Variants in CSMD1 observed in about 807,000 individuals in gnomAD.
CSMD1 encodes the protein CUB and sushi domain-containing protein 1.
CSMD1 carries 213 observed loss-of-function variants against 417.5 expected under a neutral mutation model. That is an observed-to-expected ratio of 0.51 (90% CI 0.46 to 0.57). The LOEUF is 0.57. CSMD1 is among the 20% of genes least tolerant of loss of function. The probability of loss-of-function intolerance (pLI) is 0.00; values close to 1 mark genes in which losing one functional copy is unlikely to be tolerated. For missense variants in CSMD1, 6,923 were observed against 4,529.7 expected, an observed-to-expected ratio of 1.53 and a Z score of -15.17; for synonymous variants, 2,862 against 1,736.8, an observed-to-expected ratio of 1.65 and a Z score of -16.11.
chr8:3,782,485 T>G (rs1639544266), intron 5 of CSMD1, among the ~76,000 whole-genome samples: 1 of 152,014 alleles, frequency 6.6e-6, no homozygotes, highest in Non-Finnish European at 1.5e-5. Flanking sequence ...TCTAATAAAA[T>G]CAAGTGCTTT....
chr8:3,800,334 G>A (rs1800387481), intron 5 of CSMD1, among the ~76,000 whole-genome samples: 2 of 152,094 alleles, frequency 1.3e-5, no homozygotes, highest in South Asian at 2.1e-4. Flanking sequence ...TTTATAATAT[G>A]TCAAAATATT....
chr8:4,488,214 C>G (rs58236856), intron 2 of CSMD1, among the ~76,000 whole-genome samples: 2,683 of 152,276 alleles, frequency 0.018, 72 homozygotes, highest in African/African-American at 0.061. Flanking sequence ...AATCCAACAA[C>G]TTAATGGTAT....
At chr8:3,965,031 C>A (rs1274038332) in intron 5 of CSMD1, among the ~76,000 whole-genome samples, 2 of 152,172 alleles carry the variant, frequency 1.3e-5, no homozygotes, top group African/African-American at 4.8e-5. Flanking sequence ...ATAGTTTCTA[C>A]ACAATGTGCT....
chr8:4,680,950 A>ATGTGTGTGTGTGTGTGTG (rs71209112), intron 1 of CSMD1, among the ~76,000 whole-genome samples: 51 of 144,478 alleles, frequency 3.5e-4, no homozygotes, highest in East Asian at 2.5e-3. Context: ...ATCTATATTG[A>ATGTGTGTGTGTGTGTGTG]TGTGTGTGTG....
At chr8:3,727,580 A>C (rs551379601) in intron 6 of CSMD1, among the ~76,000 whole-genome samples, 1 of 152,356 alleles carries the variant, frequency 6.6e-6, no homozygotes, top group East Asian at 1.9e-4. Flanking sequence ...AATACTAATA[A>C]AAATGAGCAT....
At chr8:4,555,293 G>A (rs186972845) in intron 2 of CSMD1, among the ~76,000 whole-genome samples, 2 of 152,238 alleles carry the variant, frequency 1.3e-5, no homozygotes, top group African/African-American at 4.8e-5. Flanking sequence ...AAAAAGACAG[G>A]TGCAGTGGCA....
chr8:3,644,255 G>A (rs1020427075), intron 7 of CSMD1, among the ~76,000 whole-genome samples: 6 of 152,174 alleles, frequency 3.9e-5, no homozygotes, highest in African/African-American at 1.2e-4. Flanking sequence ...ACTAACAGTT[G>A]AGAACCATTG....
chr8:4,285,078 G>C (rs560254042), intron 3 of CSMD1, among the ~76,000 whole-genome samples: 1 of 152,174 alleles, frequency 6.6e-6, no homozygotes, highest in Non-Finnish European at 1.5e-5. Flanking sequence ...GATGCCTAGT[G>C]TGTAGGAAAG....
At chr8:3,887,003 G>C (rs1806610401) in intron 5 of CSMD1, among the ~76,000 whole-genome samples, 1 of 152,098 alleles carries the variant, frequency 6.6e-6, no homozygotes. Context: ...TTGATCACCT[G>C]GTACCACATG....
At chr8:4,942,220 C>G (rs1470457163) in intron 1 of CSMD1, among the ~76,000 whole-genome samples, 1 of 152,120 alleles carries the variant, frequency 6.6e-6, no homozygotes, top group Non-Finnish European at 1.5e-5. Context: ...ACATATAAAC[C>G]AGGCTTCACT....
chr8:4,401,347 C>T (rs544951225), intron 3 of CSMD1, among the ~76,000 whole-genome samples: 3 of 152,258 alleles, frequency 2.0e-5, no homozygotes, highest in Admixed American at 6.5e-5. Context: ...CAAACCCACA[C>T]GTATTGTTAT....
rs373971284 is a variant in CSMD1, at chr8:4,356,765, C to G, written c.415+63188G>C. Among the ~76,000 whole-genome samples, 71 of 152,208 alleles carry G rather than the reference C, an allele frequency of 4.7e-4. 1 individual carries two copies. The highest frequency in any genetic ancestry group is 1.4e-3 in the African/African-American group (60 of 41,542). On this transcript the variant is annotated intron_variant, in intron 3 of 69. Coordinates refer to ENST00000635120, the MANE Select transcript of CSMD1 (RefSeq NM_033225.6). ...TTCTCCGGCCGTGAATGACTGGAAC[C>G]GAGTTCTTCTCTCAAAGCAGTCTTG...
intron 5 of CSMD1, among the ~76,000 whole-genome samples, chr8:3,989,854 T>C (rs1814611281): frequency 6.6e-6 from 1 of 151,856 alleles, no homozygotes; most frequent in Non-Finnish European, 1.5e-5. Flanking sequence ...TTTGGAGGAG[T>C]ATAGGATTGC....
chr8:4,631,576 C>G (rs1224327487), intron 2 of CSMD1, among the ~76,000 whole-genome samples: 2 of 151,966 alleles, frequency 1.3e-5, no homozygotes, highest in Non-Finnish European at 2.9e-5. Flanking sequence ...TAAATATCAC[C>G]AGATATATTT....
At chr8:4,121,896 T>C (rs1262772487) in intron 3 of CSMD1, among the ~76,000 whole-genome samples, 3 of 152,124 alleles carry the variant, frequency 2.0e-5, no homozygotes, top group Non-Finnish European at 4.4e-5. Flanking sequence ...GACTCTCAGA[T>C]ACCAACTCAT....
chr8:3,747,299 A>G (rs1411847996), intron 6 of CSMD1, among the ~76,000 whole-genome samples: 1 of 152,156 alleles, frequency 6.6e-6, no homozygotes, highest in Non-Finnish European at 1.5e-5. Context: ...TCTCTAGGTA[A>G]TTTTATGTGG....
chr8:4,661,573 T>A (rs891915245), intron 1 of CSMD1, among the ~76,000 whole-genome samples: 1 of 152,172 alleles, frequency 6.6e-6, no homozygotes, highest in African/African-American at 2.4e-5. Context: ...AATGTGTTCA[T>A]CTCAATACCT....
intron 3 of CSMD1, among the ~76,000 whole-genome samples, chr8:4,101,814 G>T (rs918346829): frequency 8.2e-6 from 1 of 122,478 alleles, no homozygotes; most frequent in South Asian, 3.2e-4. Context: ...AGTGAACGGA[G>T]AATTACTCAC....
rs141095565 is a variant in CSMD1 at position 4,853,067 on chromosome 8, T to A, written c.85+141265A>T. ...AAAAGGGAAGCAGAGCATAAACATT[T>A]GGAAAATTTGCAGCCTACCCATGTG... On this transcript the variant is annotated intron_variant, in intron 1 of 69. Coordinates refer to ENST00000635120, the MANE Select transcript of CSMD1 (RefSeq NM_033225.6). Among the ~76,000 whole-genome samples, 204 of 152,312 alleles carry A rather than the reference T, an allele frequency of 1.3e-3. 2 individuals carry two copies. Among genetic ancestry groups the A allele is most frequent in the African/African-American group, 4.8e-3 (199 of 41,576 alleles).
Sources: allele counts gnomAD v4.1 joint callset (sites outside exome capture counted in the v4.1 genomes callset), GRCh38; gene constraint gnomAD v4.1.1; transcripts MANE v1.5; gene names NCBI Gene and HGNC (gene_info 2026-07-23, HGNC 2026-07-21).